NEDD9: variants seen among roughly 807,000 people sequenced by gnomAD.
The protein encoded by NEDD9 is enhancer of filamentation 1.
A neutral mutation model predicts 76.6 loss-of-function variants in NEDD9; 26 were observed. That is an observed-to-expected ratio of 0.34 (90% confidence interval 0.25 to 0.47). The LOEUF is 0.47. NEDD9 is among the 20% of genes least tolerant of loss of function. NEDD9 has a pLI of 1.00. For missense variants in NEDD9, 937 were observed against 1,058.5 expected (o/e 0.89, Z 1.59); for synonymous variants, 392 against 414.2 (o/e 0.95, Z 0.65).
chr6:11,279,311 G>T (rs189138010), intron 3 of NEDD9, among the ~76,000 whole-genome samples: 1 of 152,370 alleles, frequency 6.6e-6, no homozygotes, highest in Non-Finnish European at 1.5e-5. Flanking sequence ...AAGTTCACTT[G>T]CTCCTGATTC....
intron 2 of NEDD9, among the ~76,000 whole-genome samples, chr6:11,313,542 GGATGGATGGATA>G (rs1348300261): frequency 1.5e-5 from 2 of 135,828 alleles, no homozygotes; most frequent in Non-Finnish European, 3.3e-5. Context: ...GTGAATGGGT[GGATGGATGGATA>G]GATGGGTGGA....
chr6:11,269,806 A>G (rs1400965532), intron 3 of NEDD9, among the ~76,000 whole-genome samples: 2 of 150,786 alleles, frequency 1.3e-5, no homozygotes, highest in Admixed American at 6.6e-5. Flanking sequence ...AGAGTAAACC[A>G]TTAAAAAACA....
At chr6:11,351,939 G>A (rs1207453144) in intron 1 of NEDD9, among the ~76,000 whole-genome samples, 1 of 152,252 alleles carries the variant, frequency 6.6e-6, no homozygotes, top group South Asian at 2.1e-4. Flanking sequence ...CTTGAGGGTT[G>A]TGAGCAACAC....
intron 3 of NEDD9, among the ~76,000 whole-genome samples, chr6:11,293,270 T>C (rs1760818627): frequency 6.6e-6 from 1 of 151,810 alleles, no homozygotes; most frequent in African/African-American, 2.4e-5. Flanking sequence ...ACAGGAGAAA[T>C]TGGAGGTTCA....
At chr6:11,381,986 C>T (rs1036379852) in intron 1 of NEDD9, among the ~76,000 whole-genome samples, 3 of 152,188 alleles carry the variant, frequency 2.0e-5, no homozygotes, top group Non-Finnish European at 4.4e-5. Context: ...GTCACTCATT[C>T]CTCTTCTGGG....
At chr6:11,321,313 G>A (rs1393850166) in intron 2 of NEDD9, among the ~76,000 whole-genome samples, 1 of 152,204 alleles carries the variant, frequency 6.6e-6, no homozygotes, top group Admixed American at 6.5e-5. Flanking sequence ...GATGGTTTGA[G>A]AGGTGAAGGA....
intron 2 of NEDD9, among the ~76,000 whole-genome samples, chr6:11,195,503 C>T (rs1458296709): frequency 1.3e-5 from 2 of 151,394 alleles, no homozygotes; most frequent in Non-Finnish European, 2.9e-5. Context: ...AAATGAAGAT[C>T]TCCCCTTAGT....
intron 1 of NEDD9, 142 bp downstream of exon 1, chr6:11,232,362 T>G: frequency 9.9e-7 from 1 of 1,012,066 alleles, no homozygotes; most frequent in Non-Finnish European, 1.5e-6. Context: ...TCTGCTTGCA[T>G]GTCAACCTCA....
At chr6:11,224,379 C>T (rs1217218945) in intron 1 of NEDD9, among the ~76,000 whole-genome samples, 1 of 152,132 alleles carries the variant, frequency 6.6e-6, no homozygotes, top group Non-Finnish European at 1.5e-5. Context: ...TCTGCTATTC[C>T]CTTCCTTGAA....
intron 1 of NEDD9, among the ~76,000 whole-genome samples, chr6:11,219,730 A>G (rs1170722409): frequency 6.6e-6 from 1 of 152,222 alleles, no homozygotes; most frequent in Non-Finnish European, 1.5e-5. Context: ...ACTGACGAAA[A>G]CCGGCTTTGG....
At chr6:11,318,772 A>T (rs1761657775) in intron 2 of NEDD9, among the ~76,000 whole-genome samples, 1 of 152,146 alleles carries the variant, frequency 6.6e-6, no homozygotes, top group South Asian at 2.1e-4. Flanking sequence ...CAGCCCTGAA[A>T]TGTATGGTCT....
At chr6:11,282,397 C>T (rs1454710049) in intron 3 of NEDD9, among the ~76,000 whole-genome samples, 1 of 152,170 alleles carries the variant, frequency 6.6e-6, no homozygotes, top group Non-Finnish European at 1.5e-5. Flanking sequence ...AGTGCCATGG[C>T]TTTAATGGCC....
At chr6:11,310,629 GAGT>G (rs1761337280) in intron 2 of NEDD9, among the ~76,000 whole-genome samples, 1 of 152,198 alleles carries the variant, frequency 6.6e-6, no homozygotes, top group South Asian at 2.1e-4. Flanking sequence ...ATTAAAATGA[GAGT>G]AGATTATCTT....
At chr6:11,344,751 G>A (rs986288724) in intron 1 of NEDD9, among the ~76,000 whole-genome samples, 3 of 152,186 alleles carry the variant, frequency 2.0e-5, no homozygotes, top group Admixed American at 6.5e-5. Context: ...CAGCCCTGAT[G>A]TTCAGAACAC....
At chr6:11,363,185 C>G (rs1396620201) in intron 1 of NEDD9, among the ~76,000 whole-genome samples, 1 of 152,192 alleles carries the variant, frequency 6.6e-6, no homozygotes, top group Admixed American at 6.5e-5. Context: ...AGCTATTGGA[C>G]ACTCTGCTGC....
At chr6:11,283,114 G>A (rs971973028) in intron 3 of NEDD9, among the ~76,000 whole-genome samples, 5 of 152,158 alleles carry the variant, frequency 3.3e-5, no homozygotes, top group South Asian at 2.1e-4. Flanking sequence ...CCCAGCTGTC[G>A]CCTCACTCAC....
intron 3 of NEDD9, among the ~76,000 whole-genome samples, chr6:11,285,663 T>C (rs1380604720): frequency 6.6e-6 from 1 of 152,194 alleles, no homozygotes; most frequent in Non-Finnish European, 1.5e-5. Context: ...TGATATTGGC[T>C]TAAAGACTGA....
intron 5 of NEDD9, 67 bp downstream of exon 5, chr6:11,189,897 T>C (rs187131492): frequency 5.9e-5 from 87 of 1,487,024 alleles, no homozygotes; most frequent in Admixed American, 2.8e-4. Context: ...GACATCCTTA[T>C]AGGCATCTTT....
At chr6:11,236,296 G>A (rs1420086708), upstream of NEDD9, among the ~76,000 whole-genome samples, 43 of 152,144 alleles carry the variant, frequency 2.8e-4, 1 homozygote, top group Admixed American at 2.8e-3. The surrounding 1 kb of genome is among the most constrained non-coding windows in gnomAD (Gnocchi z 5.5). Flanking sequence ...CATCCTTGCC[G>A]CCTGCCTGCT....
Sources: gnomAD v4.1 joint callset for allele counts (sites outside exome capture counted in the v4.1 genomes callset) on GRCh38, gnomAD v4.1.1 for gene constraint, Gnocchi (gnomAD v3.1) non-coding constraint, MANE v1.5 for transcripts, NCBI Gene and HGNC (gene_info 2026-07-23, HGNC 2026-07-21) for gene names.